FBXL17: variants seen among roughly 807,000 people sequenced by gnomAD.
FBXL17 encodes F-box/LRR-repeat protein 17.
A neutral mutation model predicts 66.2 loss-of-function variants in FBXL17; 22 were observed. The observed-to-expected ratio is 0.33, with a 90% CI of 0.24 to 0.47. The LOEUF is 0.47. Among genes scored for constraint, FBXL17 ranks in the 20% least tolerant of loss-of-function variants. The pLI is 1.00. For synonymous variants in FBXL17, 474 were observed against 400.5 expected, an observed-to-expected ratio of 1.18 and a Z score of -2.19; for missense variants, 878 against 948.2, an observed-to-expected ratio of 0.93 and a Z score of 0.97.
chr5:108,159,088 TG>T (rs1470764301), intron 6 of FBXL17, among the ~76,000 whole-genome samples: 2 of 152,176 alleles, frequency 1.3e-5, no homozygotes, highest in Non-Finnish European at 2.9e-5. Context: ...TAGATTTAGA[TG>T]GGTATCAGAG....
At chr5:108,161,161 G>GATACATAC (rs36073647) in intron 6 of FBXL17, among the ~76,000 whole-genome samples, 1,936 of 149,292 alleles carry the variant, frequency 0.013, 44 homozygotes, top group African/African-American at 0.042. Context: ...TCAACAAATA[G>GATACATAC]ATACATACAT....
Position 108,364,984 on chromosome 5 carries a change from T to C in FBXL17, c.1128A>G (p.Glu376=), listed in dbSNP as rs761701177. The C allele has an allele frequency of 1.9e-5, 30 of 1,608,942 alleles. No homozygotes were observed. Among genetic ancestry groups the C allele is most frequent in the Non-Finnish European group, 2.5e-5 (29 of 1,176,462 alleles). The stretch of plus-strand genomic sequence containing the variant: ...TTCTTGATGCAATTTTTTCCAACAA[T>C]TCATCAGTGACCTGTAAGAGAAAAA... ...DLSSRQQVTD[E]LLEKIASRSQ... is the part of the protein sequence containing the mutation. Residue 376 remains glutamate, a synonymous_variant, in exon 3 of 9, where the codon GAA becomes GAG. Transcript: ENST00000542267.
intron 6 of FBXL17, among the ~76,000 whole-genome samples, chr5:108,073,445 G>GTAT (rs1561396834): frequency 6.6e-6 from 1 of 151,766 alleles, no homozygotes. Flanking sequence ...CAATTATAAG[G>GTAT]TATTATCTAC....
intron 7 of FBXL17, among the ~76,000 whole-genome samples, chr5:107,928,927 T>C (rs555770770): frequency 7.9e-5 from 12 of 152,276 alleles, no homozygotes; most frequent in East Asian, 1.9e-4. Context: ...ATTTTTTTTT[T>C]CCAAATATCA....
chr5:108,294,935 G>A (rs1249487099), intron 4 of FBXL17, among the ~76,000 whole-genome samples: 5 of 151,850 alleles, frequency 3.3e-5, no homozygotes, highest in Non-Finnish European at 7.4e-5. Context: ...CCTATGTTAG[G>A]TCTTCATTTT....
At position 107,981,127 on chromosome 5, in the gene FBXL17, C is replaced by T. The variant is rs116284559; in HGVS notation, c.1822+39798G>A. On this transcript the variant is annotated intron_variant, in intron 7 of 8. Transcript: ENST00000542267. ...GGGAGGGCATCTGAGACACAGGCAA[C>T]GTCACAGAAACTGGGCTGAGGGTAG... is the stretch of plus-strand genomic sequence containing the variant. 9.6e-3 allele frequency among the ~76,000 whole-genome samples: 1,460 copies of T among 152,116 alleles called. 22 individuals are homozygous for T. The highest frequency in any genetic ancestry group is 0.034 in the African/African-American group (1,394 of 41,498).
intron 6 of FBXL17, among the ~76,000 whole-genome samples, chr5:108,154,616 T>TACACACACACACACAC (rs768615062): frequency 2.1e-5 from 2 of 96,298 alleles, no homozygotes; most frequent in African/African-American, 9.7e-5. Context: ...AATATATATA[T>TACACACACACACACAC]ACACACACAC....
At chr5:108,220,407 C>T (rs566582953) in intron 5 of FBXL17, among the ~76,000 whole-genome samples, 1 of 152,268 alleles carries the variant, frequency 6.6e-6, no homozygotes, top group African/African-American at 2.4e-5. Context: ...AATCCCAGAG[C>T]TCCTCCTGCC....
intron 6 of FBXL17, among the ~76,000 whole-genome samples, chr5:108,059,265 T>C (rs1192874666): frequency 6.6e-6 from 1 of 152,198 alleles, no homozygotes; most frequent in Non-Finnish European, 1.5e-5. Context: ...GGTACATTAT[T>C]CTAAAGGTAT....
chr5:108,023,147 G>T (rs990143722), intron 6 of FBXL17, among the ~76,000 whole-genome samples: 9 of 152,002 alleles, frequency 5.9e-5, no homozygotes, highest in Non-Finnish European at 1.2e-4. Flanking sequence ...GGTAAACAAG[G>T]TTTTCCAAAT....
intron 8 of FBXL17, among the ~76,000 whole-genome samples, chr5:107,863,989 C>G (rs1303384109): frequency 6.6e-6 from 1 of 152,192 alleles, no homozygotes; most frequent in Non-Finnish European, 1.5e-5. Flanking sequence ...GAATAAAAGC[C>G]TATGGAGATT....
chr5:108,378,977 A>G (rs1749644386), intron 1 of FBXL17, among the ~76,000 whole-genome samples: 1 of 152,252 alleles, frequency 6.6e-6, no homozygotes, highest in Admixed American at 6.5e-5. Flanking sequence ...AATACAAGGA[A>G]TGGAAATCTA....
chr5:108,262,308 A>C (rs948315152), intron 4 of FBXL17, among the ~76,000 whole-genome samples: 1 of 151,780 alleles, frequency 6.6e-6, no homozygotes, highest in Admixed American at 6.6e-5. Context: ...CGATCTCCTG[A>C]CCTCATGATC....
intron 1 of FBXL17, among the ~76,000 whole-genome samples, chr5:108,370,441 A>C (rs913557771): frequency 6.6e-6 from 1 of 152,106 alleles, no homozygotes; most frequent in Non-Finnish European, 1.5e-5. Context: ...GTCTAGTGAG[A>C]AGTATAGAAT....
intron 7 of FBXL17, among the ~76,000 whole-genome samples, chr5:108,002,839 T>C (rs529288544): frequency 1.5e-3 from 236 of 152,320 alleles, no homozygotes; most frequent in African/African-American, 5.2e-3. Flanking sequence ...TGATTCCCTT[T>C]ATACAAAATG....
intron 6 of FBXL17, among the ~76,000 whole-genome samples, chr5:108,159,051 G>T (rs1251716508): frequency 6.6e-6 from 1 of 151,808 alleles, no homozygotes. Context: ...AGTGAGTGGT[G>T]GTATTTCAAT....
chr5:108,351,510 C>T (rs915963695), intron 3 of FBXL17, among the ~76,000 whole-genome samples: 1 of 152,198 alleles, frequency 6.6e-6, no homozygotes, highest in African/African-American at 2.4e-5. Context: ...TGTGAATAAA[C>T]TGCATACAGG....
chr5:108,213,751 C>A (rs1754477885), intron 5 of FBXL17, among the ~76,000 whole-genome samples: 1 of 152,184 alleles, frequency 6.6e-6, no homozygotes, highest in Non-Finnish European at 1.5e-5. Context: ...TGCCAGCAAT[C>A]TATGGCAAGT....
At chr5:108,210,754 G>A (rs938995527) in intron 5 of FBXL17, among the ~76,000 whole-genome samples, 5 of 152,184 alleles carry the variant, frequency 3.3e-5, no homozygotes, top group Non-Finnish European at 7.3e-5. Flanking sequence ...TTTAGAATAA[G>A]TGCAGTGAGG....
Sources: gnomAD v4.1 joint callset for allele counts (sites outside exome capture counted in the v4.1 genomes callset) on GRCh38, gnomAD v4.1.1 for gene constraint, MANE v1.5 for transcripts, NCBI Gene and HGNC (gene_info 2026-07-23, HGNC 2026-07-21) for gene names.